Variants in HPSE2 observed in about 807,000 individuals in gnomAD.
HPSE2 encodes inactive heparanase-2.
In HPSE2, 38 loss-of-function variants were observed where a neutral mutation model predicts 60.5. The observed-to-expected ratio is 0.63, with a 90% CI of 0.48 to 0.82. HPSE2 has a LOEUF of 0.82. Ranked by LOEUF, HPSE2 falls within the 40% of genes least tolerant of loss-of-function variation. HPSE2 has a pLI of 0.00. For synonymous variants in HPSE2, 295 were observed against 293.2 expected, an observed-to-expected ratio of 1.01 and a Z score of -0.06; for missense variants, 713 against 740.4, an observed-to-expected ratio of 0.96 and a Z score of 0.43.
intron 9 of HPSE2, among the ~76,000 whole-genome samples, chr10:98,530,225 T>A (rs1388842570): frequency 6.6e-6 from 1 of 152,172 alleles, no homozygotes; most frequent in African/African-American, 2.4e-5. Context: ...TGCTCAAAGG[T>A]ACTAAGCCAG....
chr10:98,803,680 T>C (rs557871094), intron 3 of HPSE2, among the ~76,000 whole-genome samples: 31,601 of 150,192 alleles, frequency 0.21, 3,574 homozygotes, highest in African/African-American at 0.25. Context: ...CATTGATCTA[T>C]ATCTCTGTTT....
the HPSE2 span, among the ~76,000 whole-genome samples, chr10:99,251,225 C>T: frequency 2.0e-5 from 3 of 152,146 alleles, no homozygotes; most frequent in Non-Finnish European, 4.4e-5. Flanking sequence ...TTCTATGCCA[C>T]AAACTACAAA....
chr10:98,572,026 C>T (rs939511244), intron 9 of HPSE2, among the ~76,000 whole-genome samples: 30 of 151,378 alleles, frequency 2.0e-4, no homozygotes, highest in African/African-American at 7.0e-4. Context: ...GCAACCTCCC[C>T]GCCTCCTGGG....
intron 3 of HPSE2, among the ~76,000 whole-genome samples, chr10:98,861,783 G>A (rs1003927697): frequency 6.6e-6 from 1 of 152,084 alleles, no homozygotes; most frequent in African/African-American, 2.4e-5. Flanking sequence ...GATGCTGGGT[G>A]CTTTCAAAAG....
chr10:98,619,638 TA>T (rs1321646102), intron 8 of HPSE2, among the ~76,000 whole-genome samples: 21 of 152,186 alleles, frequency 1.4e-4, no homozygotes, highest in Non-Finnish European at 2.6e-4. Flanking sequence ...TCCTCACAGA[TA>T]ACAAGGCTTT....
intron 3 of HPSE2, among the ~76,000 whole-genome samples, chr10:98,851,529 A>C (rs1472118048): frequency 6.6e-6 from 1 of 152,176 alleles, no homozygotes; most frequent in African/African-American, 2.4e-5. Flanking sequence ...ACAAAGAGCA[A>C]ATGTCTGTCA....
intron 3 of HPSE2, among the ~76,000 whole-genome samples, chr10:99,076,159 A>AT (rs371230421): frequency 0.012 from 1,770 of 145,266 alleles, 31 homozygotes; most frequent in African/African-American, 0.04. Context: ...TTTTTCATTG[A>AT]TTTTTTTTTG....
chr10:98,861,839 C>CGTG (rs1271109929), intron 3 of HPSE2, among the ~76,000 whole-genome samples: 1 of 152,052 alleles, frequency 6.6e-6, no homozygotes, highest in African/African-American at 2.4e-5. Context: ...CAACATTGCA[C>CGTG]CAGGCTTGTA....
intron 3 of HPSE2, among the ~76,000 whole-genome samples, chr10:99,095,991 A>C (rs766834322): frequency 3.3e-5 from 5 of 152,174 alleles, no homozygotes; most frequent in Non-Finnish European, 7.4e-5. Context: ...ATTTTACTGG[A>C]TGCATAAAGA....
At chr10:98,821,835 T>C (rs1276276378) in intron 3 of HPSE2, among the ~76,000 whole-genome samples, 3 of 152,188 alleles carry the variant, frequency 2.0e-5, no homozygotes, top group Non-Finnish European at 4.4e-5. Flanking sequence ...AAAAACGACT[T>C]GGCTAATCAT....
At chr10:99,155,706 G>A (rs1846518536) in intron 2 of HPSE2, among the ~76,000 whole-genome samples, 1 of 150,442 alleles carries the variant, frequency 6.6e-6, no homozygotes, top group African/African-American at 2.4e-5. Flanking sequence ...AGAAACGCAA[G>A]AGCAAACACA....
chr10:99,016,146 C>T (rs1052473522), intron 3 of HPSE2, among the ~76,000 whole-genome samples: 22 of 152,070 alleles, frequency 1.4e-4, no homozygotes, highest in African/African-American at 5.1e-4. Flanking sequence ...GTCTAGGTTG[C>T]CTTCCAGGGA....
At chr10:98,724,563 G>A (rs1042429500) in intron 4 of HPSE2, among the ~76,000 whole-genome samples, 2 of 152,096 alleles carry the variant, frequency 1.3e-5, no homozygotes, top group Admixed American at 1.3e-4. Flanking sequence ...GTTGACAGTG[G>A]GTTGTTAAAG....
intron 6 of HPSE2, among the ~76,000 whole-genome samples, chr10:98,691,352 T>G (rs574966255): frequency 6.8e-4 from 103 of 152,316 alleles, no homozygotes; most frequent in Middle Eastern, 3.4e-3. Flanking sequence ...TATCTGGAGA[T>G]ATGGCCAATA....
chr10:99,199,336 ATTTTTTAAATAATAGCT>A (rs1358581228), intron 2 of HPSE2, among the ~76,000 whole-genome samples: 1 of 152,044 alleles, frequency 6.6e-6, no homozygotes, highest in Non-Finnish European at 1.5e-5. Flanking sequence ...AACAGCTATC[ATTTTTTAAATAATAGCT>A]ATCCTAACAG....
intron 3 of HPSE2, among the ~76,000 whole-genome samples, chr10:98,918,128 T>A (rs1436336193): frequency 6.6e-6 from 1 of 152,208 alleles, no homozygotes; most frequent in Non-Finnish European, 1.5e-5. Context: ...AAGATTAAGA[T>A]AAAAGCATCA....
intron 11 of HPSE2, among the ~76,000 whole-genome samples, chr10:98,464,258 T>C (rs1434087723): frequency 6.6e-6 from 1 of 152,222 alleles, no homozygotes; most frequent in Non-Finnish European, 1.5e-5. Flanking sequence ...CATGTACTTT[T>C]TAAGGAATAG....
At chr10:98,583,821 T>A (rs1408519913) in intron 9 of HPSE2, among the ~76,000 whole-genome samples, 1 of 152,366 alleles carries the variant, frequency 6.6e-6, no homozygotes, top group African/African-American at 2.4e-5. Flanking sequence ...TCATCCACGC[T>A]GTAGCATGGA....
chr10:98,971,203 T>C (rs1017283766), intron 3 of HPSE2, among the ~76,000 whole-genome samples: 2 of 152,250 alleles, frequency 1.3e-5, no homozygotes, highest in Non-Finnish European at 2.9e-5. Context: ...TTACAGGGAC[T>C]AACAAGAATA....
Sources: gnomAD v4.1 joint callset for allele counts (sites outside exome capture counted in the v4.1 genomes callset) on GRCh38, gnomAD v4.1.1 for gene constraint, MANE v1.5 for transcripts, NCBI Gene and HGNC (gene_info 2026-07-23, HGNC 2026-07-21) for gene names.